The following CACNA2D3 variants were observed in gnomAD, a reference collection of about 807,000 sequenced individuals.
CACNA2D3 encodes the protein calcium voltage-gated channel auxiliary subunit alpha2delta 3.
CACNA2D3 carries 60 observed loss-of-function variants against 160.6 expected under a neutral mutation model. The ratio of observed to expected loss-of-function variants is 0.37; its 90% CI spans 0.30 to 0.46. The LOEUF is 0.46. Ranked by LOEUF, CACNA2D3 falls within the 20% of genes least tolerant of loss-of-function variation. The pLI is 1.00. For synonymous variants in CACNA2D3, 558 were observed against 492.9 expected, an observed-to-expected ratio of 1.13 and a Z score of -1.75; for missense variants, 1,205 against 1,365.0, an observed-to-expected ratio of 0.88 and a Z score of 1.85.
Position 54,516,076 on chromosome 3 carries a change from G to A in CACNA2D3, c.544+12422G>A, listed in dbSNP as rs149045747. Among the ~76,000 whole-genome samples, 486 of 152,296 alleles carry A rather than the reference G, an allele frequency of 3.2e-3. 4 individuals are homozygous for A. Among genetic ancestry groups the A allele is most frequent in the East Asian group, 0.012 (60 of 5,184 alleles). Reference sequence around the variant, plus strand: ...TGCATCAGGGACATGTGTCATTGGGGGTTTGGGCCAGGGGTTCCTTGTAGG... The same window carrying A: ...TGCATCAGGGACATGTGTCATTGGGAGTTTGGGCCAGGGGTTCCTTGTAGG... On this transcript the variant is annotated intron_variant, in intron 5 of 37. Transcript: ENST00000474759.
chr3:54,785,478 C>T (rs1702621049), intron 13 of CACNA2D3, among the ~76,000 whole-genome samples: 1 of 152,158 alleles, frequency 6.6e-6, no homozygotes, highest in Admixed American at 6.5e-5. Context: ...AGGAGGCTGT[C>T]ATCCTCCAAA....
chr3:54,765,885 G>C (rs1205874069), intron 13 of CACNA2D3, among the ~76,000 whole-genome samples: 1 of 152,134 alleles, frequency 6.6e-6, no homozygotes, highest in Non-Finnish European at 1.5e-5. Flanking sequence ...CTTTGTAATA[G>C]ATGCTTTTGG....
Position 54,345,198 on chromosome 3 carries a change from C to G in CACNA2D3, c.321+24640C>G, listed in dbSNP as rs555669850. On this transcript the variant is annotated intron_variant, in intron 3 of 37. Coordinates refer to ENST00000474759, the MANE Select transcript of CACNA2D3 (RefSeq NM_018398.3). The stretch of plus-strand genomic sequence containing the variant: ...TTACGTAGTAATAAACTTGCTTTCA[C>G]TTTGCCCTGCAGACTGACCCTGAAT... 2.8e-4 allele frequency among the ~76,000 whole-genome samples: 42 copies of G among 152,346 alleles called. 1 individual carries two copies. The South Asian group carries it at 7.5e-3, about 27-fold the overall frequency.
intron 5 of CACNA2D3, among the ~76,000 whole-genome samples, chr3:54,529,366 T>TA (rs1701772505): frequency 6.6e-6 from 1 of 152,352 alleles, no homozygotes; most frequent in African/African-American, 2.4e-5. Flanking sequence ...CCACAGCCTG[T>TA]ATGCCTCGGA....
At chr3:54,932,800 G>A (rs770371914) in intron 27 of CACNA2D3, among the ~76,000 whole-genome samples, 1 of 152,210 alleles carries the variant, frequency 6.6e-6, no homozygotes, top group Admixed American at 6.5e-5. Context: ...ATGTGGTATG[G>A]CGATCTAATG....
chr3:54,298,784 G>A (rs888484557), intron 2 of CACNA2D3, among the ~76,000 whole-genome samples: 8 of 151,538 alleles, frequency 5.3e-5, no homozygotes, highest in Admixed American at 5.3e-4. Flanking sequence ...CTCTGGCCTA[G>A]AAGGAAAGTG....
chr3:54,939,250 G>A (rs1317327366), intron 27 of CACNA2D3, among the ~76,000 whole-genome samples: 1 of 152,180 alleles, frequency 6.6e-6, no homozygotes, highest in South Asian at 2.1e-4. Flanking sequence ...CTCCAGGGTA[G>A]GAACTATTAT....
chr3:54,923,776 C>T (rs1575378210), intron 27 of CACNA2D3, among the ~76,000 whole-genome samples: 1 of 152,204 alleles, frequency 6.6e-6, no homozygotes, highest in African/African-American at 2.4e-5. Context: ...GGCTTCTGCT[C>T]TGTGATCTTG....
At chr3:54,424,170 G>C (rs941327226) in intron 4 of CACNA2D3, among the ~76,000 whole-genome samples, 1 of 151,984 alleles carries the variant, frequency 6.6e-6, no homozygotes, top group African/African-American at 2.4e-5. Flanking sequence ...TTGAACAAGG[G>C]GCCCTGTATT....
At chr3:54,328,055 C>T (rs1704155574) in intron 3 of CACNA2D3, among the ~76,000 whole-genome samples, 1 of 152,144 alleles carries the variant, frequency 6.6e-6, no homozygotes, top group Non-Finnish European at 1.5e-5. Context: ...TGCAAAGAAA[C>T]TTTTGTCCAT....
At chr3:54,443,351 G>A (rs11922560) in intron 4 of CACNA2D3, among the ~76,000 whole-genome samples, 52,645 of 151,772 alleles carry the variant, frequency 0.35, 9,914 homozygotes, top group Non-Finnish European at 0.44. Context: ...GTGGGTGGGC[G>A]GGCACAGTAA....
chr3:54,427,278 A>G (rs1274038044), intron 4 of CACNA2D3, among the ~76,000 whole-genome samples: 1 of 152,168 alleles, frequency 6.6e-6, no homozygotes, highest in Non-Finnish European at 1.5e-5. Context: ...ATGTGTTAAC[A>G]GAGAGCAGTA....
At chr3:54,328,934 G>C (rs1441397615) in intron 3 of CACNA2D3, among the ~76,000 whole-genome samples, 1 of 152,162 alleles carries the variant, frequency 6.6e-6, no homozygotes, top group Non-Finnish European at 1.5e-5. Flanking sequence ...TCAATACCTA[G>C]GGACTGTGGT....
chr3:54,563,429 C>A (rs1017780164), intron 6 of CACNA2D3, among the ~76,000 whole-genome samples: 3 of 152,146 alleles, frequency 2.0e-5, no homozygotes, highest in Non-Finnish European at 2.9e-5. Context: ...GCGTCGCTGA[C>A]GGCAAGAACC....
intron 4 of CACNA2D3, among the ~76,000 whole-genome samples, chr3:54,442,274 A>T (rs1271142624): frequency 6.6e-6 from 1 of 152,150 alleles, no homozygotes; most frequent in Admixed American, 6.5e-5. Flanking sequence ...GTTTTGGCCA[A>T]TGAGACATTG....
chr3:54,461,551 A>C lies in CACNA2D3; in HGVS notation c.382-41941A>C, dbSNP rs184847447. On this transcript the variant is annotated intron_variant, in intron 4 of 37. Transcript: ENST00000474759. ...TTTATCCATTTCTTCTAGATTTTCT[A>C]GTTTATTTGCATAGAGGTGTTTGTA... is the stretch of plus-strand genomic sequence containing the variant. Among the ~76,000 whole-genome samples, 90 of 151,678 alleles carry C rather than the reference A, an allele frequency of 5.9e-4. 2 individuals carry two copies. Among genetic ancestry groups the C allele is most frequent in the African/African-American group, 2.2e-3 (90 of 41,248 alleles).
intron 13 of CACNA2D3, among the ~76,000 whole-genome samples, chr3:54,805,564 C>T (rs1468039979): frequency 3.3e-5 from 5 of 152,274 alleles, no homozygotes; most frequent in African/African-American, 7.2e-5. Flanking sequence ...TAATCAATAG[C>T]TTACCAACCA....
At chr3:54,408,502 T>C (rs1699613720) in intron 4 of CACNA2D3, among the ~76,000 whole-genome samples, 2 of 152,186 alleles carry the variant, frequency 1.3e-5, no homozygotes, top group African/African-American at 4.8e-5. Flanking sequence ...TCAGCATAAA[T>C]AGAAAGACCC....
chr3:54,449,567 T>A (rs990822948), intron 4 of CACNA2D3, among the ~76,000 whole-genome samples: 1 of 152,146 alleles, frequency 6.6e-6, no homozygotes, highest in East Asian at 1.9e-4. Flanking sequence ...TTGTTGGAGG[T>A]GGGGCCTGGT....
Sources: gnomAD v4.1 joint callset for allele counts (sites outside exome capture counted in the v4.1 genomes callset) on GRCh38, gnomAD v4.1.1 for gene constraint, MANE v1.5 for transcripts, NCBI Gene and HGNC (gene_info 2026-07-23, HGNC 2026-07-21) for gene names.